The following FAM83B variants were observed in gnomAD, a reference collection of about 807,000 sequenced individuals.
FAM83B encodes the protein protein FAM83B.
Under a neutral mutation model 38.8 loss-of-function variants are expected in FAM83B, and 26 were observed. That is an observed-to-expected ratio of 0.67 (90% CI 0.49 to 0.93). The LOEUF is 0.93. Among genes scored for constraint, FAM83B ranks in the 40% least tolerant of loss-of-function variants. FAM83B has a pLI of 0.00. For synonymous variants in FAM83B, 419 were observed against 423.1 expected (o/e 0.99, Z 0.12); for missense variants, 1,237 against 1,197.3 (o/e 1.03, Z -0.49).
intron 2 of FAM83B, among the ~76,000 whole-genome samples, chr6:54,916,770 T>C (rs1773049978): frequency 6.6e-6 from 1 of 152,192 alleles, no homozygotes; most frequent in South Asian, 2.1e-4. Context: ...CAGATGAATG[T>C]GGGCAGTATT....
In FAM83B at chr6:54,941,793, G is replaced by A; in HGVS notation, c.2822G>A (p.Cys941Tyr). Residue 941 changes from cysteine (C) to tyrosine (Y), a missense_variant, in exon 5 of 5, where the codon TGT (cysteine) becomes TAT (tyrosine). Physicochemically the swap from Cys to Tyr is radical, Grantham distance 194. Transcript: ENST00000306858. Reference protein sequence around the residue: ...RRVYSRFEPFCKIESSIQPTS... With the variant: ...RRVYSRFEPFYKIESSIQPTS... ...GTTTACAGTCGTTTTGAGCCGTTTT[G>A]TAAGATTGAGAGCTCTATTCAGCCA... 1 of 1,591,144 alleles carries A rather than the reference G, an allele frequency of 6.3e-7. No individual in the cohort carries two copies. Among genetic ancestry groups the A allele is most frequent in the Non-Finnish European group, 8.6e-7 (1 of 1,165,338 alleles).
chr6:54,860,036 A>G (rs908098397), intron 1 of FAM83B, among the ~76,000 whole-genome samples: 2 of 102,542 alleles, frequency 2.0e-5, no homozygotes, highest in Non-Finnish European at 2.0e-5. Flanking sequence ...AAAGAAAACC[A>G]CCCTCATTGT....
intron 1 of FAM83B, among the ~76,000 whole-genome samples, chr6:54,850,032 T>G (rs1389127464): frequency 6.6e-6 from 1 of 152,218 alleles, no homozygotes; most frequent in Non-Finnish European, 1.5e-5. Flanking sequence ...CCAAGCAATA[T>G]GTTCCTCTCC....
At chr6:54,926,602 G>A in intron 3 of FAM83B, 67 bp downstream of exon 3, 2 of 1,238,768 alleles carry the variant, frequency 1.6e-6, no homozygotes, top group Admixed American at 2.3e-5. Context: ...CAAATGTAAG[G>A]CATCTTAAGG....
intron 1 of FAM83B, among the ~76,000 whole-genome samples, chr6:54,862,889 C>G (rs775954369): frequency 6.7e-6 from 1 of 149,356 alleles, no homozygotes; most frequent in Non-Finnish European, 1.5e-5. Context: ...AAAAAAACCA[C>G]GAAAAAAAAA....
chr6:54,931,650 G>T (rs781538327), intron 4 of FAM83B, among the ~76,000 whole-genome samples: 22 of 151,766 alleles, frequency 1.4e-4, no homozygotes, highest in Non-Finnish European at 3.1e-4. Flanking sequence ...TTTGCATGGT[G>T]TATCTTTTTT....
chr6:54,865,603 G>A (rs886542384), intron 1 of FAM83B, among the ~76,000 whole-genome samples: 4 of 152,282 alleles, frequency 2.6e-5, no homozygotes, highest in South Asian at 2.1e-4. Context: ...AGTGATGTTA[G>A]CACCTGTGAT....
At chr6:54,860,724 A>G (rs1484489387) in intron 1 of FAM83B, among the ~76,000 whole-genome samples, 1 of 152,250 alleles carries the variant, frequency 6.6e-6, no homozygotes, top group Non-Finnish European at 1.5e-5. Flanking sequence ...CAACTGTATT[A>G]TGTGTAAGTG....
chr6:54,868,146 T>G (rs1771762648), intron 1 of FAM83B, among the ~76,000 whole-genome samples: 2 of 152,186 alleles, frequency 1.3e-5, no homozygotes, highest in African/African-American at 4.8e-5. Flanking sequence ...TGTTGAAAGT[T>G]ATTAATTAGT....
At chr6:54,871,493 C>T (rs1013344302) in intron 2 of FAM83B, among the ~76,000 whole-genome samples, 5 of 149,736 alleles carry the variant, frequency 3.3e-5, no homozygotes, top group Non-Finnish European at 4.4e-5. Flanking sequence ...CTGAAGCAGG[C>T]GAATCACTTG....
At chr6:54,899,941 A>T (rs1772623495) in intron 2 of FAM83B, among the ~76,000 whole-genome samples, 3 of 152,212 alleles carry the variant, frequency 2.0e-5, no homozygotes, top group African/African-American at 7.2e-5. Flanking sequence ...TATTTCAATT[A>T]TAATAAAATG....
intron 2 of FAM83B, among the ~76,000 whole-genome samples, chr6:54,879,455 T>C (rs1772074406): frequency 6.6e-6 from 1 of 152,188 alleles, no homozygotes; most frequent in African/African-American, 2.4e-5. Context: ...AATTCCTTTA[T>C]GCTGGGTCAG....
intron 2 of FAM83B, among the ~76,000 whole-genome samples, chr6:54,875,050 C>T (rs1490280658): frequency 1.3e-5 from 2 of 152,138 alleles, no homozygotes; most frequent in African/African-American, 4.8e-5. Context: ...AGAATAGAGA[C>T]TTTGTCACCA....
At chr6:54,926,245 T>A (rs1773283221) in intron 2 of FAM83B, 126 bp from the exon 3 acceptor site, 1 of 453,840 alleles carries the variant, frequency 2.2e-6, no homozygotes. Context: ...AAATGAATAT[T>A]TGTATATACA....
intron 2 of FAM83B, among the ~76,000 whole-genome samples, chr6:54,896,943 G>T (rs567066610): frequency 6.6e-6 from 1 of 152,258 alleles, no homozygotes; most frequent in African/African-American, 2.4e-5. Flanking sequence ...GAATATTATA[G>T]TTAAGTCTAG....
chr6:54,939,703 C>A lies in FAM83B; in HGVS notation c.735-3C>A. ...ATTAAAATTTTTCCATTTTTTTCCCCAGTTATATGTGGTCATTTGAGAAAG... is the reference window on the plus strand; with the variant it reads ...ATTAAAATTTTTCCATTTTTTTCCCAAGTTATATGTGGTCATTTGAGAAAG... On this transcript the variant is annotated splice_region_variant and splice_polypyrimidine_tract_variant and intron_variant, in intron 4 of 4. Coordinates refer to ENST00000306858, the MANE Select transcript of FAM83B (RefSeq NM_001010872.3). 2 of 1,548,658 alleles carry A rather than the reference C, an allele frequency of 1.3e-6. No homozygotes were observed. Among genetic ancestry groups the A allele is most frequent in the South Asian group, 1.2e-5 (1 of 81,028 alleles).
intron 2 of FAM83B, among the ~76,000 whole-genome samples, chr6:54,915,730 C>T (rs1384560562): frequency 1.0e-5 from 1 of 98,158 alleles, no homozygotes; most frequent in African/African-American, 6.0e-5. Flanking sequence ...GGCGTGAACC[C>T]GGGAAGCGGA....
At chr6:54,923,665 G>C (rs1773220389) in intron 2 of FAM83B, among the ~76,000 whole-genome samples, 1 of 151,636 alleles carries the variant, frequency 6.6e-6, no homozygotes, top group African/African-American at 2.4e-5. Flanking sequence ...ATGTCTTCTG[G>C]AATCTTCACT....
intron 2 of FAM83B, among the ~76,000 whole-genome samples, chr6:54,876,313 A>ATATG (rs1771994478): frequency 1.7e-5 from 1 of 58,684 alleles, no homozygotes; most frequent in Non-Finnish European, 3.5e-5. Flanking sequence ...ATATATATAT[A>ATATG]TATATATGTT....
Sources: allele counts gnomAD v4.1 joint callset (sites outside exome capture counted in the v4.1 genomes callset), GRCh38; gene constraint gnomAD v4.1.1; transcripts MANE v1.5; gene names NCBI Gene and HGNC (gene_info 2026-07-23, HGNC 2026-07-21).